The following CENPK variants were observed in gnomAD, a reference collection of about 807,000 sequenced individuals.
CENPK encodes the protein SoxLZ/Sox6-binding protein Solt.
Under a neutral mutation model 40.9 loss-of-function variants are expected in CENPK, and 46 were observed. The ratio of observed to expected loss-of-function variants is 1.13; its 90% CI spans 0.89 to 1.44. The LOEUF (loss-of-function observed/expected upper bound fraction) is 1.44, where lower values mean the gene tolerates loss of function less well. CENPK is among the 40% of genes most tolerant of loss of function. The probability of loss-of-function intolerance (pLI) is 0.00; values close to 1 mark genes in which losing one functional copy is unlikely to be tolerated. For missense variants in CENPK, 288 were observed against 303.5 expected, an observed-to-expected ratio of 0.95 and a Z score of 0.38; for synonymous variants, 107 against 104.4, an observed-to-expected ratio of 1.02 and a Z score of -0.15.
At chr5:65,510,873 A>G in the CENPK span, among the ~76,000 whole-genome samples, 1 of 152,060 alleles carries the variant, frequency 6.6e-6, no homozygotes, top group Non-Finnish European at 1.5e-5. Flanking sequence ...GCTTTATAAG[A>G]AGAGGAAGAG....
the CENPK span, among the ~76,000 whole-genome samples, chr5:65,495,691 G>A: frequency 6.6e-6 from 1 of 152,076 alleles, no homozygotes; most frequent in Admixed American, 6.5e-5. Flanking sequence ...TGCATTAGGT[G>A]TCTATTCAGC....
chr5:65,532,956 A>C (rs1163420696), intron 6 of CENPK, among the ~76,000 whole-genome samples: 3 of 151,484 alleles, frequency 2.0e-5, no homozygotes, highest in Non-Finnish European at 4.4e-5. Flanking sequence ...AAAATCAATC[A>C]ATGTAATTCA....
chr5:65,550,365 G>A (rs1749755330), intron 5 of CENPK: 1 of 152,200 alleles, frequency 6.6e-6, no homozygotes, highest in East Asian at 1.9e-4. Flanking sequence ...GAAACAATTG[G>A]AGGGTTATTA....
the CENPK span, among the ~76,000 whole-genome samples, chr5:65,510,305 T>C: frequency 2.0e-5 from 3 of 152,222 alleles, no homozygotes; most frequent in Non-Finnish European, 4.4e-5. Flanking sequence ...AACAGCCTTA[T>C]TGCTGATCAA....
intron 6 of CENPK, among the ~76,000 whole-genome samples, chr5:65,538,095 T>C (rs1462112755): frequency 6.6e-6 from 1 of 152,212 alleles, no homozygotes; most frequent in African/African-American, 2.4e-5. Context: ...CTGTTGATTA[T>C]AGCCATCCTA....
chr5:65,510,461 C>T, the CENPK span, among the ~76,000 whole-genome samples: 9 of 152,068 alleles, frequency 5.9e-5, no homozygotes, highest in East Asian at 1.9e-4. Flanking sequence ...GATTGGGTCA[C>T]GAGGACTGTG....
At chr5:65,506,651 G>A in the CENPK span, among the ~76,000 whole-genome samples, 26 of 152,152 alleles carry the variant, frequency 1.7e-4, no homozygotes, top group Non-Finnish European at 5.9e-5. Context: ...CAGGCATGTT[G>A]ATGAGTGTCT....
At chr5:65,495,633 G>A in the CENPK span, among the ~76,000 whole-genome samples, 3 of 151,894 alleles carry the variant, frequency 2.0e-5, no homozygotes, top group African/African-American at 7.3e-5. Flanking sequence ...CTTTTTACTT[G>A]TTTAATGAGG....
intron 6 of CENPK, among the ~76,000 whole-genome samples, 171 bp downstream of exon 6, chr5:65,542,631 C>T (rs1246659930): frequency 2.0e-5 from 3 of 149,958 alleles, no homozygotes; most frequent in East Asian, 3.9e-4. Context: ...AGCGAGACTC[C>T]GTTTCCAAAA....
At chr5:65,550,221 T>G (rs1273228045) in intron 5 of CENPK, among the ~76,000 whole-genome samples, 1 of 151,906 alleles carries the variant, frequency 6.6e-6, no homozygotes, top group Non-Finnish European at 1.5e-5. Context: ...ATTCACAACT[T>G]GGCTAACTGG....
At chr5:65,534,873 T>A (rs954078160) in intron 6 of CENPK, among the ~76,000 whole-genome samples, 2 of 152,160 alleles carry the variant, frequency 1.3e-5, no homozygotes, top group African/African-American at 4.8e-5. Flanking sequence ...AAAACTTGAT[T>A]AAATGGAGTT....
At chr5:65,544,505 C>T (rs115997738) in intron 5 of CENPK, among the ~76,000 whole-genome samples, 1,577 of 152,226 alleles carry the variant, frequency 0.01, 31 homozygotes, top group African/African-American at 0.036. Context: ...TAAAATAGAA[C>T]TATCATATGA....
rs956248428 is a variant in CENPK, at chr5:65,518,042, T to G, written c.*433A>C. 6.6e-6 allele frequency: 1 copy of G among 152,322 alleles called. No homozygotes were observed. The highest frequency in any genetic ancestry group is 2.4e-5 in the African/African-American group (1 of 41,436). The allele number at this position is 152,322 out of a possible 1,614,324, so 9.4% of individuals were successfully genotyped here. A position where few individuals can be genotyped will look rare whatever the true frequency, so the allele number is the denominator to read the frequency against. Reference sequence around the variant, plus strand: ...AAATTATGCCACCTCAGATATTACCTCAATTTTAAAACCATCTGTAAATTA... The same window carrying G: ...AAATTATGCCACCTCAGATATTACCGCAATTTTAAAACCATCTGTAAATTA... On this transcript the variant is annotated 3_prime_UTR_variant, in exon 11 of 11. Transcript: ENST00000396679.
intron 9 of CENPK, among the ~76,000 whole-genome samples, chr5:65,527,177 G>C (rs1215110304): frequency 3.9e-5 from 6 of 151,944 alleles, no homozygotes; most frequent in Non-Finnish European, 5.9e-5. Context: ...CTCAAAAGAT[G>C]CTTGAACTGT....
intron 2 of CENPK, among the ~76,000 whole-genome samples, chr5:65,560,350 G>C (rs1751749288): frequency 6.6e-6 from 1 of 152,016 alleles, no homozygotes. Context: ...AAAAAGTCAG[G>C]TTACCAATTA....
intron 6 of CENPK, among the ~76,000 whole-genome samples, chr5:65,530,812 A>C (rs1580943220): frequency 6.6e-6 from 1 of 152,196 alleles, no homozygotes; most frequent in African/African-American, 2.4e-5. Flanking sequence ...TGGAAGGCTG[A>C]GGCAGGAGGA....
At chr5:65,527,058 T>C (rs1473527886) in intron 9 of CENPK, among the ~76,000 whole-genome samples, 10 of 151,638 alleles carry the variant, frequency 6.6e-5, no homozygotes, top group East Asian at 1.9e-4. Flanking sequence ...GATCATGCCA[T>C]TGCACTCCAG....
chr5:65,561,260 A>C, intron 2 of CENPK: 1 of 232,820 alleles, frequency 4.3e-6, no homozygotes, highest in Non-Finnish European at 9.0e-6. Flanking sequence ...ATTTTAGAAT[A>C]TTTTTAAGCG....
chr5:65,520,176 CAAGA>C (rs1318944319), intron 10 of CENPK, among the ~76,000 whole-genome samples: 5 of 152,104 alleles, frequency 3.3e-5, no homozygotes, highest in African/African-American at 1.2e-4. Flanking sequence ...TGAGTTCTCG[CAAGA>C]TCCGGCTGCT....
Sources: allele counts gnomAD v4.1 joint callset (sites outside exome capture counted in the v4.1 genomes callset), GRCh38; gene constraint gnomAD v4.1.1; transcripts MANE v1.5; gene names NCBI Gene and HGNC (gene_info 2026-07-23, HGNC 2026-07-21).